Variants in TF observed in about 807,000 individuals in gnomAD.
The protein encoded by TF is serotransferrin.
TF carries 55 observed loss-of-function variants against 82.4 expected under a neutral mutation model. The observed-to-expected ratio is 0.67, with a 90% CI of 0.54 to 0.84. The LOEUF (loss-of-function observed/expected upper bound fraction) is 0.84. Ranked by LOEUF, TF falls within the 40% of genes least tolerant of loss-of-function variation. TF has a pLI of 0.00. For missense variants in TF, 737 were observed against 868.4 expected, an observed-to-expected ratio of 0.85 and a Z score of 1.90; for synonymous variants, 332 against 332.6, an observed-to-expected ratio of 1.00 and a Z score of 0.02.
chr3:133,679,176 A>T, the TF span, among the ~76,000 whole-genome samples: 2 of 152,030 alleles, frequency 1.3e-5, no homozygotes, highest in African/African-American at 4.8e-5. Context: ...CGGCCAGCCC[A>T]GCTAACTTTT....
the TF span, chr3:133,699,465 G>A: frequency 8.1e-7 from 1 of 1,236,442 alleles, no homozygotes; most frequent in Non-Finnish European, 1.1e-6. Flanking sequence ...AAACAAGGCT[G>A]ACAAGGACCA....
rs1187068379 is a variant in TF at position 133,789,073 on chromosome 3, G to A, written c.*10453G>A. On this transcript the variant is annotated 3_prime_UTR_variant, in exon 17 of 17. Transcript: ENST00000402696. ...CTGGTGCCCACGTAAGGTCAGAGAT[G>A]CCTGACACTCTTAAGACTGGACCCC... 1 of 152,302 alleles carries A rather than the reference G, an allele frequency of 6.6e-6. No homozygotes were observed. Among genetic ancestry groups the A allele is most frequent in the African/African-American group, 2.4e-5 (1 of 41,480 alleles). The allele number at this position is 152,302 out of a possible 1,614,324, so 9.4% of individuals were successfully genotyped here. A position where few individuals can be genotyped will look rare whatever the true frequency, so the allele number is the denominator to read the frequency against.
At chr3:133,774,249 G>A (rs1934330041) in intron 14 of TF, 1 of 152,074 alleles carries the variant, frequency 6.6e-6, no homozygotes, top group African/African-American at 2.4e-5. Context: ...TATACCCTTT[G>A]AACTAACTAT....
At chr3:133,775,638 C>T (rs1249982329) in intron 15 of TF, 21 bp downstream of exon 15, 1 of 1,612,732 alleles carries the variant, frequency 6.2e-7, no homozygotes, top group South Asian at 1.1e-5. Flanking sequence ...GCCAGGTCCT[C>T]CCACCTTTTC....
the TF span, among the ~76,000 whole-genome samples, chr3:133,681,426 G>A: frequency 6.6e-6 from 1 of 152,232 alleles, no homozygotes; most frequent in Non-Finnish European, 1.5e-5. Context: ...GGAAGTGCAA[G>A]GGGTTGGGGA....
chr3:133,670,989 A>T, the TF span, among the ~76,000 whole-genome samples: 1 of 152,246 alleles, frequency 6.6e-6, no homozygotes, highest in Non-Finnish European at 1.5e-5. Flanking sequence ...GGAGGAGCAG[A>T]GAACTAAGCT....
the TF span, among the ~76,000 whole-genome samples, chr3:133,737,925 A>G: frequency 6.3e-3 from 962 of 152,142 alleles, 7 homozygotes; most frequent in African/African-American, 0.022. Context: ...ACTATTCCAA[A>G]CCATAGAAAA....
the TF span, among the ~76,000 whole-genome samples, chr3:133,677,553 C>G: frequency 6.6e-6 from 1 of 152,200 alleles, no homozygotes; most frequent in Non-Finnish European, 1.5e-5. Context: ...AGGAGAATCG[C>G]TTGAACCCGG....
the TF span, among the ~76,000 whole-genome samples, chr3:133,728,803 T>C: frequency 1.8e-4 from 28 of 152,220 alleles, no homozygotes; most frequent in Non-Finnish European, 2.4e-4. Context: ...TTTTGGTCTT[T>C]GATGATGGTG....
chr3:133,777,578 C>A, intron 16 of TF: 1 of 216,358 alleles, frequency 4.6e-6, no homozygotes, highest in Non-Finnish European at 9.2e-6. Flanking sequence ...TAGCCACCAG[C>A]AAGATGTGAC....
rs1933798624 is a variant in TF at position 133,755,432 on chromosome 3, A to T, written c.572A>T (p.Gln191Leu). The T allele has an allele frequency of 6.2e-7, 1 of 1,614,064 alleles. No individual in the cohort carries two copies. Among genetic ancestry groups the T allele is most frequent in the Non-Finnish European group, 8.5e-7 (1 of 1,180,034 alleles). The change falls in exon 5 of 17, where the codon CAA (glutamine) becomes CTA (leucine). Residue 191 changes from glutamine (Q) to leucine (L), a missense_variant. By Grantham distance (113) the Gln-to-Leu change is moderately radical. Coordinates refer to ENST00000402696, the MANE Select transcript of TF (RefSeq NM_001063.4). ...GGGACGGACTTCCCCCAGCTGTGTCAACTGTGTCCAGGGTGTGGCTGCTCC... is the reference window on the plus strand; with the variant it reads ...GGGACGGACTTCCCCCAGCTGTGTCTACTGTGTCCAGGGTGTGGCTGCTCC... ...ADGTDFPQLC[Q>L]LCPGCGCSTL... is the part of the protein sequence containing the mutation.
chr3:133,727,048 T>C, the TF span, among the ~76,000 whole-genome samples: 168 of 152,372 alleles, frequency 1.1e-3, 1 homozygote, highest in African/African-American at 3.8e-3. Context: ...TCTGTTCTTT[T>C]ACATTTGCTG....
Position 133,779,013 on chromosome 3 carries a change from T to C in TF, c.*393T>C. On this transcript the variant is annotated 3_prime_UTR_variant, in exon 17 of 17. Coordinates refer to ENST00000402696, the MANE Select transcript of TF (RefSeq NM_001063.4). Reference sequence around the variant, plus strand: ...TAAAATATAATCAAATGTATACTGGTGTGTGTGTGCACGTGCGCGTGCGTG... The same window carrying C: ...TAAAATATAATCAAATGTATACTGGCGTGTGTGTGCACGTGCGCGTGCGTG... 1 of 267,434 alleles carries C rather than the reference T, an allele frequency of 3.7e-6. No individual in the cohort carries two copies. The allele number at this position is 267,434 out of a possible 1,614,324, so 16.6% of individuals were successfully genotyped here. A position where few individuals can be genotyped will look rare whatever the true frequency, so the allele number is the denominator to read the frequency against.
the TF span, among the ~76,000 whole-genome samples, chr3:133,735,056 A>G: frequency 6.6e-6 from 1 of 152,202 alleles, no homozygotes; most frequent in Non-Finnish European, 1.5e-5. Flanking sequence ...TTGACTGAGT[A>G]TTAGATGATA....
At chr3:133,701,382 C>G in the TF span, among the ~76,000 whole-genome samples, 1 of 152,236 alleles carries the variant, frequency 6.6e-6, no homozygotes, top group Non-Finnish European at 1.5e-5. Context: ...GCCACTACCA[C>G]CATCCAGAGG....
chr3:133,776,560 C>G lies in TF; in HGVS notation c.1873-489C>G, dbSNP rs1934397181. Among the ~76,000 whole-genome samples, 2 of 152,232 alleles carry G rather than the reference C, an allele frequency of 1.3e-5. 1 individual carries two copies. The highest frequency in any genetic ancestry group is 4.1e-4 in the South Asian group (2 of 4,826). On this transcript the variant is annotated intron_variant, in intron 15 of 16. Transcript: ENST00000402696. The stretch of plus-strand genomic sequence containing the variant: ...CATTTTGCAGTCATCATTTCACTTA[C>G]AACCTTTGGAGATCTGGAGAAGCTG...
chr3:133,762,461 C>T (rs569882618), intron 9 of TF: 1 of 152,196 alleles, frequency 6.6e-6, no homozygotes, highest in South Asian at 2.1e-4. Flanking sequence ...AGAGAGAGAG[C>T]ACATTAACAT....
chr3:133,699,410 C>G, the TF span: 1 of 1,099,298 alleles, frequency 9.1e-7, no homozygotes, highest in African/African-American at 1.6e-5. Context: ...TCATGGCTCT[C>G]CTGCGTTAGG....
At chr3:133,693,867 A>G in the TF span, among the ~76,000 whole-genome samples, 1 of 152,358 alleles carries the variant, frequency 6.6e-6, no homozygotes, top group South Asian at 2.1e-4. Context: ...TGGGTGAATT[A>G]GCAGAGCTGC....
Sources: gnomAD v4.1 joint callset for allele counts (sites outside exome capture counted in the v4.1 genomes callset) on GRCh38, gnomAD v4.1.1 for gene constraint, MANE v1.5 for transcripts, NCBI Gene and HGNC (gene_info 2026-07-23, HGNC 2026-07-21) for gene names.